The following F13A1 variants were observed in gnomAD, a reference collection of about 807,000 sequenced individuals.
F13A1 encodes FSF, A subunit.
F13A1 carries 47 observed loss-of-function variants against 80.1 expected under a neutral mutation model. That is an observed-to-expected ratio of 0.59 (90% CI 0.46 to 0.75). F13A1 has a LOEUF of 0.75. Among genes scored for constraint, F13A1 ranks in the 30% least tolerant of loss-of-function variants. The pLI, the probability that F13A1 is intolerant of heterozygous loss-of-function variation, is 0.00. For synonymous variants in F13A1, 349 were observed against 344.9 expected, an observed-to-expected ratio of 1.01 and a Z score of -0.13; for missense variants, 817 against 930.4, an observed-to-expected ratio of 0.88 and a Z score of 1.59.
chr6:6,256,934 A>T (rs1469458832), intron 4 of F13A1, among the ~76,000 whole-genome samples: 1 of 152,212 alleles, frequency 6.6e-6, no homozygotes, highest in South Asian at 2.1e-4. Context: ...CAGCTAACCT[A>T]CATGGTCTCT....
At chr6:6,206,469 C>T (rs573457559) in intron 8 of F13A1, 2 of 470,796 alleles carry the variant, frequency 4.2e-6, no homozygotes, top group East Asian at 7.0e-5. Flanking sequence ...GCCTAATTTC[C>T]CAAGAAGTTA....
chr6:6,273,663 C>A (rs377511873), intron 3 of F13A1, among the ~76,000 whole-genome samples: 18 of 152,224 alleles, frequency 1.2e-4, no homozygotes, highest in Non-Finnish European at 2.2e-4. Context: ...TTTCCCAAGG[C>A]GCACCTTTCA....
At position 6,277,937 on chromosome 6, in the gene F13A1, C is replaced by T. The variant is rs377405881; in HGVS notation, c.320-11128G>A. Reference sequence around the variant, plus strand: ...TCAGCATAAATTCCTGTTCCATCTTCCTTTCCCTTGAAGTGCCCACCTTTC... The same window carrying T: ...TCAGCATAAATTCCTGTTCCATCTTTCTTTCCCTTGAAGTGCCCACCTTTC... On this transcript the variant is annotated intron_variant, in intron 3 of 14. Coordinates refer to ENST00000264870, the MANE Select transcript of F13A1 (RefSeq NM_000129.4). Among the ~76,000 whole-genome samples the T allele has an allele frequency of 1.2e-4, 18 of 152,344 alleles. No homozygotes were observed. In the East Asian group the frequency reaches 1.7e-3, roughly 15 times the overall value.
At chr6:6,190,555 C>T (rs1321130035) in intron 10 of F13A1, among the ~76,000 whole-genome samples, 4 of 151,134 alleles carry the variant, frequency 2.6e-5, no homozygotes, top group African/African-American at 7.3e-5. Context: ...GGGTCAGGGA[C>T]CCACTTGAGG....
chr6:6,253,142 CAAAAAAAAA>C (rs397886568), intron 4 of F13A1, among the ~76,000 whole-genome samples: 1 of 73,946 alleles, frequency 1.4e-5, no homozygotes, highest in East Asian at 5.1e-4. Flanking sequence ...GAATCTGTCC[CAAAAAAAAA>C]AAAAAAAAAA....
chr6:6,209,335 A>C (rs547958941), intron 8 of F13A1, among the ~76,000 whole-genome samples: 26 of 151,930 alleles, frequency 1.7e-4, no homozygotes, highest in East Asian at 9.7e-4. Flanking sequence ...AAAAAAAAAA[A>C]AAAACAGAAA....
At position 6,276,207 on chromosome 6, in the gene F13A1, T is replaced by G. The variant is rs1757986157; in HGVS notation, c.320-9398A>C. Among the ~76,000 whole-genome samples the G allele has an allele frequency of 2.0e-5, 3 of 152,326 alleles. No individual in the cohort carries two copies. In the South Asian group the frequency reaches 6.2e-4, roughly 32 times the overall value. On this transcript the variant is annotated intron_variant, in intron 3 of 14. Coordinates refer to ENST00000264870, the MANE Select transcript of F13A1 (RefSeq NM_000129.4). The stretch of plus-strand genomic sequence containing the variant: ...AAGCCATGTTCCCACGCTCCTCTGC[T>G]CTCTGACTTCGAGGTAGGTTCGGCC...
intron 13 of F13A1, among the ~76,000 whole-genome samples, chr6:6,164,924 G>T (rs1358863181): frequency 3.9e-5 from 6 of 151,928 alleles, no homozygotes; most frequent in Admixed American, 3.9e-4. Context: ...CCACAGGCCG[G>T]AGCTTCTGCA....
At chr6:6,165,933 T>C (rs1265433482) in intron 13 of F13A1, among the ~76,000 whole-genome samples, 2 of 152,278 alleles carry the variant, frequency 1.3e-5, no homozygotes, top group African/African-American at 2.4e-5. Flanking sequence ...GACATGACAA[T>C]GTAGGCCTTT....
In F13A1 at chr6:6,183,633, C is replaced by T. The variant is rs548949483; in HGVS notation, c.1306-1492G>A. Among the ~76,000 whole-genome samples the T allele has an allele frequency of 5.3e-5, 8 of 152,226 alleles. No individual in the cohort carries two copies. In the South Asian group the frequency reaches 1.0e-3, roughly 20 times the overall value. ...GCTTGAGAAGCCCTGCAATACAGTG[C>T]GATAAGTACCATGAAAGAATAAGTA... On this transcript the variant is annotated intron_variant, in intron 10 of 14. Transcript: ENST00000264870.
intron 13 of F13A1, among the ~76,000 whole-genome samples, chr6:6,161,543 T>TGTGTGTGTGTGTGG (rs1760573557): frequency 6.6e-6 from 1 of 151,074 alleles, no homozygotes; most frequent in Admixed American, 6.6e-5. Flanking sequence ...TGTGTGTGTG[T>TGTGTGTGTGTGTGG]GTGTGTGTGA....
intron 13 of F13A1, among the ~76,000 whole-genome samples, chr6:6,165,924 A>T (rs1760663114): frequency 1.3e-5 from 2 of 152,238 alleles, no homozygotes; most frequent in Non-Finnish European, 2.9e-5. Context: ...AAACAAAGAG[A>T]CATGACAATG....
At chr6:6,183,973 G>A (rs1761032940) in intron 10 of F13A1, among the ~76,000 whole-genome samples, 1 of 152,188 alleles carries the variant, frequency 6.6e-6, no homozygotes, top group African/African-American at 2.4e-5. Context: ...TCATCATTAG[G>A]TAATGGGGAA....
intron 10 of F13A1, among the ~76,000 whole-genome samples, chr6:6,195,125 A>G (rs527807570): frequency 6.6e-6 from 1 of 152,194 alleles, no homozygotes; most frequent in East Asian, 1.9e-4. Flanking sequence ...ATTTAATTTG[A>G]TTTTCAGAGC....
At chr6:6,275,753 T>C (rs1416792850) in intron 3 of F13A1, among the ~76,000 whole-genome samples, 7 of 152,200 alleles carry the variant, frequency 4.6e-5, no homozygotes, top group East Asian at 1.9e-4. Flanking sequence ...GCTTCAAGCA[T>C]GGGAGAACAT....
chr6:6,210,769 A>G (rs2113032327), intron 8 of F13A1, among the ~76,000 whole-genome samples: 1 of 152,066 alleles, frequency 6.6e-6, no homozygotes, highest in South Asian at 2.1e-4. Flanking sequence ...TCTGTCACCC[A>G]GGCTAGAGGA....
chr6:6,170,019 C>G (rs1343152070), intron 12 of F13A1, among the ~76,000 whole-genome samples: 1 of 152,190 alleles, frequency 6.6e-6, no homozygotes, highest in East Asian at 1.9e-4. Flanking sequence ...ACCCTGCTTC[C>G]TCCATGGCTC....
intron 8 of F13A1, among the ~76,000 whole-genome samples, chr6:6,216,101 C>T (rs1054618964): frequency 6.7e-6 from 1 of 149,942 alleles, no homozygotes; most frequent in Admixed American, 6.7e-5. Flanking sequence ...GCCATACTGC[C>T]CAAGGTAATT....
chr6:6,288,115 C>G (rs759668242), intron 3 of F13A1, among the ~76,000 whole-genome samples: 10 of 152,116 alleles, frequency 6.6e-5, no homozygotes, highest in Non-Finnish European at 1.2e-4. Flanking sequence ...ATGTTTATTA[C>G]CTTACATAGT....
Sources: gnomAD v4.1 joint callset for allele counts (sites outside exome capture counted in the v4.1 genomes callset) on GRCh38, gnomAD v4.1.1 for gene constraint, MANE v1.5 for transcripts, NCBI Gene and HGNC (gene_info 2026-07-23, HGNC 2026-07-21) for gene names.